The following DEPDC1B variants were observed in gnomAD, a reference collection of about 807,000 sequenced individuals.
The protein encoded by DEPDC1B is DEP domain-containing protein 1B.
A neutral mutation model predicts 66.5 loss-of-function variants in DEPDC1B; 51 were observed. The ratio of observed to expected loss-of-function variants is 0.77; its 90% CI spans 0.61 to 0.97. DEPDC1B has a LOEUF of 0.97. Among genes scored for constraint, DEPDC1B ranks in the 50% least tolerant of loss-of-function variants. The pLI, the probability that DEPDC1B is intolerant of heterozygous loss-of-function variation, is 0.00. For synonymous variants in DEPDC1B, 226 were observed against 223.6 expected (o/e 1.01, Z -0.10); for missense variants, 552 against 637.1 (o/e 0.87, Z 1.44).
intron 7 of DEPDC1B, among the ~76,000 whole-genome samples, chr5:60,618,084 A>T (rs1752604981): frequency 6.6e-6 from 1 of 152,220 alleles, no homozygotes. Context: ...TATTCTTTGA[A>T]ACCAATGAGA....
chr5:60,643,938 G>A (rs1283489297), intron 5 of DEPDC1B, among the ~76,000 whole-genome samples: 3 of 152,128 alleles, frequency 2.0e-5, no homozygotes, highest in East Asian at 3.9e-4. Context: ...AGGCTATTCT[G>A]CTACATTCTG....
At chr5:60,599,437 ATAT>A (rs368972675) in intron 9 of DEPDC1B, among the ~76,000 whole-genome samples, 177 bp from the exon 10 acceptor site, 1 of 152,236 alleles carries the variant, frequency 6.6e-6, no homozygotes, top group African/African-American at 2.4e-5. Flanking sequence ...TAACTTCAAA[ATAT>A]TATTATTTAA....
chr5:60,623,869 C>A (rs1396597082), intron 7 of DEPDC1B, among the ~76,000 whole-genome samples: 2 of 151,996 alleles, frequency 1.3e-5, no homozygotes, highest in Admixed American at 1.3e-4. Context: ...GGTCTTATAT[C>A]CTGCTTCCTT....
intron 2 of DEPDC1B, among the ~76,000 whole-genome samples, chr5:60,679,808 C>T (rs1754255303): frequency 6.6e-6 from 1 of 152,170 alleles, no homozygotes; most frequent in South Asian, 2.1e-4. Context: ...ATTAAATAAT[C>T]CAAAACAATT....
At chr5:60,691,709 T>C (rs924862406) in intron 1 of DEPDC1B, among the ~76,000 whole-genome samples, 1 of 152,056 alleles carries the variant, frequency 6.6e-6, no homozygotes, top group Non-Finnish European at 1.5e-5. Flanking sequence ...TCCTATAACA[T>C]ATACAAAGAT....
intron 7 of DEPDC1B, among the ~76,000 whole-genome samples, chr5:60,629,702 GT>G (rs1199050947): frequency 3.3e-5 from 5 of 152,048 alleles, no homozygotes; most frequent in Non-Finnish European, 5.9e-5. Context: ...TTTCCATCTG[GT>G]TATTTGTTGT....
At chr5:60,669,555 C>A (rs1173922518) in intron 2 of DEPDC1B, among the ~76,000 whole-genome samples, 1 of 152,162 alleles carries the variant, frequency 6.6e-6, no homozygotes, top group African/African-American at 2.4e-5. Flanking sequence ...ACCCATTCAA[C>A]ATATTTCTTG....
chr5:60,626,650 T>G (rs1029063176), intron 7 of DEPDC1B, among the ~76,000 whole-genome samples: 15 of 152,190 alleles, frequency 9.9e-5, no homozygotes, highest in Non-Finnish European at 2.9e-5. Context: ...AAACAAAAAG[T>G]TTACGAAAAT....
At chr5:60,599,012 A>T (rs1210405312) in intron 10 of DEPDC1B, 63 bp downstream of exon 10, 10 of 969,950 alleles carry the variant, frequency 1.0e-5, no homozygotes, top group African/African-American at 2.7e-5. Flanking sequence ...CTATTAAAAT[A>T]AAAAAAAAAA....
chr5:60,678,924 C>A (rs568808589), intron 2 of DEPDC1B, among the ~76,000 whole-genome samples: 1 of 152,222 alleles, frequency 6.6e-6, no homozygotes, highest in African/African-American at 2.4e-5. Context: ...TCATATTTTT[C>A]CTTTATGTTT....
chr5:60,666,567 G>A (rs1403219199), intron 2 of DEPDC1B, among the ~76,000 whole-genome samples: 1 of 152,088 alleles, frequency 6.6e-6, no homozygotes, highest in Admixed American at 6.5e-5. Context: ...AGTGCATACT[G>A]GGCTCTGGAC....
At chr5:60,685,726 A>G (rs1304803981) in intron 2 of DEPDC1B, among the ~76,000 whole-genome samples, 2 of 152,230 alleles carry the variant, frequency 1.3e-5, no homozygotes, top group African/African-American at 4.8e-5. Flanking sequence ...GATAGGGTAC[A>G]AGCAATTAAA....
chr5:60,597,707 A>C lies in DEPDC1B; in HGVS notation c.*46T>G. 1 of 1,571,186 alleles carries C rather than the reference A, an allele frequency of 6.4e-7. No homozygotes were observed. The highest frequency in any genetic ancestry group is 8.6e-7 in the Non-Finnish European group (1 of 1,165,962). On this transcript the variant is annotated 3_prime_UTR_variant, in exon 11 of 11. Coordinates refer to ENST00000265036, the MANE Select transcript of DEPDC1B (RefSeq NM_018369.3). ...TCTTTCTCCTAACCACCATTCACTC[A>C]AAACAACAACAGTGGTCTCTAGCAC...
intron 7 of DEPDC1B, chr5:60,628,255 T>G (rs1373588462): frequency 6.6e-6 from 1 of 152,238 alleles, no homozygotes; most frequent in Admixed American, 6.5e-5. Flanking sequence ...TTACATCAGA[T>G]TTCTATTTTC....
intron 7 of DEPDC1B, among the ~76,000 whole-genome samples, chr5:60,607,871 A>C (rs1399382663): frequency 6.6e-6 from 1 of 152,232 alleles, no homozygotes; most frequent in Non-Finnish European, 1.5e-5. Context: ...GAATGCGTCC[A>C]GCATCAAGAG....
chr5:60,656,290 A>G (rs1227347228), intron 2 of DEPDC1B, among the ~76,000 whole-genome samples: 4 of 151,598 alleles, frequency 2.6e-5, no homozygotes, highest in Admixed American at 2.0e-4. Flanking sequence ...CCTCCCGAGT[A>G]GCTGAGACTA....
chr5:60,670,500 G>C (rs1209155091), intron 2 of DEPDC1B, among the ~76,000 whole-genome samples: 1 of 152,056 alleles, frequency 6.6e-6, no homozygotes, highest in Non-Finnish European at 1.5e-5. Flanking sequence ...ATTTTTATAG[G>C]AATAAACAAG....
At position 60,699,901 on chromosome 5, in the gene DEPDC1B, G is replaced by A. The variant is rs564346564; in HGVS notation, c.48+145C>T. On this transcript the variant is annotated intron_variant, in intron 1 of 10. Coordinates refer to ENST00000265036, the MANE Select transcript of DEPDC1B (RefSeq NM_018369.3). Reference sequence around the variant, plus strand: ...TTCTTTGAGGCTCGTCCACTAAAAGGCAGCCCCAGTAGTCCCAGCTGAAAT... The same window carrying A: ...TTCTTTGAGGCTCGTCCACTAAAAGACAGCCCCAGTAGTCCCAGCTGAAAT... 5 of 972,994 alleles carry A rather than the reference G, an allele frequency of 5.1e-6. No individual in the cohort carries two copies. In the Admixed American group the frequency reaches 7.2e-5, roughly 14 times the overall value. The allele number at this position is 972,994 out of a possible 1,614,324, so 60.3% of individuals were successfully genotyped here.
At chr5:60,654,856 A>T (rs1282526425) in intron 2 of DEPDC1B, among the ~76,000 whole-genome samples, 2 of 148,820 alleles carry the variant, frequency 1.3e-5, no homozygotes, top group Non-Finnish European at 2.9e-5. Flanking sequence ...GATTTTGTCA[A>T]ATGCTCTTTC....
Sources: gnomAD v4.1 joint callset for allele counts (sites outside exome capture counted in the v4.1 genomes callset) on GRCh38, gnomAD v4.1.1 for gene constraint, MANE v1.5 for transcripts, NCBI Gene and HGNC (gene_info 2026-07-23, HGNC 2026-07-21) for gene names.